The following NCKAP5 variants were observed in gnomAD, a reference collection of about 807,000 sequenced individuals.
The protein encoded by NCKAP5 is nck-associated protein 5.
In NCKAP5, 92 loss-of-function variants were observed where a neutral mutation model predicts 167.0. The observed-to-expected ratio is 0.55, with a 90% CI of 0.47 to 0.66. The LOEUF (loss-of-function observed/expected upper bound fraction) is 0.66. NCKAP5 is among the 30% of genes least tolerant of loss of function. The pLI is 0.00. For missense variants in NCKAP5, 2,378 were observed against 2,315.0 expected (o/e 1.03, Z -0.56); for synonymous variants, 891 against 877.4 (o/e 1.02, Z -0.27).
At chr2:133,246,083 A>G (rs1439974020) in intron 4 of NCKAP5, among the ~76,000 whole-genome samples, 1 of 152,116 alleles carries the variant, frequency 6.6e-6, no homozygotes, top group Non-Finnish European at 1.5e-5. Flanking sequence ...GTGGAGTGGA[A>G]ACATGCATAG....
At chr2:133,398,101 C>T (rs764642828) in intron 3 of NCKAP5, among the ~76,000 whole-genome samples, 4 of 152,020 alleles carry the variant, frequency 2.6e-5, no homozygotes, top group Non-Finnish European at 5.9e-5. Flanking sequence ...CCATGGAAAA[C>T]GTACTGCCCT....
chr2:133,344,002 A>G (rs1683778212), intron 3 of NCKAP5, among the ~76,000 whole-genome samples: 2 of 152,190 alleles, frequency 1.3e-5, no homozygotes, highest in African/African-American at 4.8e-5. Context: ...GTGAAGAAGC[A>G]AAGTTGGGTA....
chr2:133,203,619 T>G (rs1162787126), intron 5 of NCKAP5, among the ~76,000 whole-genome samples: 2 of 152,158 alleles, frequency 1.3e-5, no homozygotes. Context: ...ATCTCCATGT[T>G]TCCTGGAAGA....
At chr2:133,080,154 G>T (rs2080754026) in intron 6 of NCKAP5, among the ~76,000 whole-genome samples, 1 of 152,020 alleles carries the variant, frequency 6.6e-6, no homozygotes, top group South Asian at 2.1e-4. Flanking sequence ...CAGAAATATT[G>T]AACCAATTAA....
At chr2:133,576,650 A>G in the NCKAP5 span, among the ~76,000 whole-genome samples, 1 of 152,202 alleles carries the variant, frequency 6.6e-6, no homozygotes, top group African/African-American at 2.4e-5. Flanking sequence ...TTTGATAAAA[A>G]AATAAAGTCA....
At chr2:133,227,057 C>T (rs955559206) in intron 4 of NCKAP5, among the ~76,000 whole-genome samples, 6 of 152,242 alleles carry the variant, frequency 3.9e-5, no homozygotes, top group African/African-American at 1.4e-4. Flanking sequence ...TCAAGGAAAC[C>T]TTCATAGAGG....
intron 8 of NCKAP5, among the ~76,000 whole-genome samples, chr2:132,906,542 C>T (rs76272452): frequency 0.01 from 1,531 of 152,158 alleles, 15 homozygotes; most frequent in African/African-American, 0.035. Context: ...CTTATAACTC[C>T]CATAATGAGG....
At chr2:133,447,030 G>A (rs1044077330) in intron 3 of NCKAP5, among the ~76,000 whole-genome samples, 11 of 152,136 alleles carry the variant, frequency 7.2e-5, no homozygotes, top group Non-Finnish European at 1.2e-4. Context: ...AGCTAACCAA[G>A]AAAGAACCAT....
intron 4 of NCKAP5, among the ~76,000 whole-genome samples, chr2:133,302,660 T>A (rs1207140718): frequency 7.3e-6 from 1 of 136,126 alleles, no homozygotes; most frequent in East Asian, 2.1e-4. Context: ...ATGGATAGCA[T>A]TGGGAGATAT....
chr2:132,767,970 C>T (rs1199482507), intron 16 of NCKAP5, among the ~76,000 whole-genome samples: 3 of 152,192 alleles, frequency 2.0e-5, no homozygotes, highest in Non-Finnish European at 2.9e-5. Flanking sequence ...AGACCATGTC[C>T]TCTGTCATGC....
At chr2:132,838,545 T>C (rs897729046) in intron 11 of NCKAP5, among the ~76,000 whole-genome samples, 3 of 152,104 alleles carry the variant, frequency 2.0e-5, no homozygotes, top group Non-Finnish European at 2.9e-5. Context: ...GGAAGGAGAA[T>C]GGTGTGAACC....
At chr2:132,795,831 A>AAC (rs1558790687) in intron 12 of NCKAP5, among the ~76,000 whole-genome samples, 9 of 149,876 alleles carry the variant, frequency 6.0e-5, no homozygotes, top group Non-Finnish European at 5.9e-5. Context: ...AAAAAAAAAA[A>AAC]AAAAAAACAA....
chr2:133,351,678 C>G (rs1559407954), intron 3 of NCKAP5, among the ~76,000 whole-genome samples: 1 of 152,236 alleles, frequency 6.6e-6, no homozygotes, highest in Non-Finnish European at 1.5e-5. Context: ...TGTGCCCCCA[C>G]CCCAGGACTT....
intron 2 of NCKAP5, among the ~76,000 whole-genome samples, chr2:133,548,312 T>C (rs1470188072): frequency 2.0e-5 from 3 of 152,112 alleles, no homozygotes; most frequent in Admixed American, 6.6e-5. Flanking sequence ...CTGCAGGATA[T>C]TATCCAGCAG....
At chr2:132,949,049 G>GAAAAGAAA in intron 8 of NCKAP5, among the ~76,000 whole-genome samples, 1 of 131,984 alleles carries the variant, frequency 7.6e-6, no homozygotes, top group East Asian at 2.6e-4. Flanking sequence ...GAAAAGAAAA[G>GAAAAGAAA]AAACATGGTG....
intron 16 of NCKAP5, among the ~76,000 whole-genome samples, chr2:132,735,740 A>G (rs1266216261): frequency 6.6e-6 from 1 of 152,210 alleles, no homozygotes; most frequent in East Asian, 1.9e-4. Context: ...CGAAGTAAGA[A>G]TCTTGACAGC....
At chr2:133,144,298 T>C (rs899731133) in intron 5 of NCKAP5, among the ~76,000 whole-genome samples, 1 of 152,082 alleles carries the variant, frequency 6.6e-6, no homozygotes, top group Non-Finnish European at 1.5e-5. Context: ...AGATAATACA[T>C]AGACTAATGT....
intron 5 of NCKAP5, among the ~76,000 whole-genome samples, chr2:133,209,250 T>A (rs1037736384): frequency 2.6e-5 from 4 of 151,340 alleles, no homozygotes; most frequent in Non-Finnish European, 5.9e-5. Context: ...TGAAACAACC[T>A]CCCAGAATGA....
At chr2:133,003,594 C>G (rs920187476) in intron 6 of NCKAP5, among the ~76,000 whole-genome samples, 1 of 152,188 alleles carries the variant, frequency 6.6e-6, no homozygotes, top group Non-Finnish European at 1.5e-5. Flanking sequence ...TAGTTAGGAA[C>G]AGTAAATCTA....
Sources: gnomAD v4.1 joint callset for allele counts (sites outside exome capture counted in the v4.1 genomes callset) on GRCh38, gnomAD v4.1.1 for gene constraint, MANE v1.5 for transcripts, NCBI Gene and HGNC (gene_info 2026-07-23, HGNC 2026-07-21) for gene names.